ZNF267: variants seen among roughly 807,000 people sequenced by gnomAD.
ZNF267 encodes the protein zinc finger protein 267.
In ZNF267, 61 loss-of-function variants were observed where a neutral mutation model predicts 71.6. The ratio of observed to expected loss-of-function variants is 0.85; its 90% CI spans 0.69 to 1.05. ZNF267 has a LOEUF of 1.05. ZNF267 is among the 50% of genes least tolerant of loss of function. The pLI, the probability that ZNF267 is intolerant of heterozygous loss-of-function variation, is 0.00. For missense variants in ZNF267, 852 were observed against 870.0 expected (o/e 0.98, Z 0.26); for synonymous variants, 288 against 293.2 (o/e 0.98, Z 0.18).
chr16:31,877,379 G>A (rs181204951), intron 1 of ZNF267, among the ~76,000 whole-genome samples: 22 of 152,248 alleles, frequency 1.4e-4, no homozygotes, highest in Admixed American at 5.9e-4. Context: ...GGATCTCAAA[G>A]GTTAGGCAGA....
At chr16:31,909,969 A>G (rs930023854) in intron 3 of ZNF267, among the ~76,000 whole-genome samples, 5 of 152,150 alleles carry the variant, frequency 3.3e-5, no homozygotes, top group Non-Finnish European at 7.4e-5. Context: ...AGTTTTTATT[A>G]TCAAAGGATG....
chr16:31,883,377 T>C (rs187965139), intron 1 of ZNF267, among the ~76,000 whole-genome samples: 22 of 152,326 alleles, frequency 1.4e-4, no homozygotes, highest in Admixed American at 5.9e-4. Flanking sequence ...AGAAATATTA[T>C]CTTACTTTTA....
chr16:31,916,337 C>T lies in ZNF267; in HGVS notation c.2088C>T (p.Ala696=), dbSNP rs1384586985. ...RPYKCDECGK[A]FSYRSYLTTH... ...ACAAATGTGATGAATGTGGTAAAGC[C>T]TTCAGCTATAGGTCATACCTCACTA... The change falls in exon 4 of 4, where the codon GCC becomes GCT. Residue 696 remains alanine, a synonymous_variant. Transcript: ENST00000300870. The T allele has an allele frequency of 6.2e-7, 1 of 1,613,806 alleles. No individual in the cohort carries two copies. Among genetic ancestry groups the T allele is most frequent in the Non-Finnish European group, 8.5e-7 (1 of 1,179,922 alleles).
chr16:31,914,555 A>G lies in ZNF267; in HGVS notation c.306A>G (p.Arg102=), dbSNP rs2084158277. 1 of 1,614,128 alleles carries G rather than the reference A, an allele frequency of 6.2e-7. No individual in the cohort carries two copies. Among genetic ancestry groups the G allele is most frequent in the African/African-American group, 1.3e-5 (1 of 75,036 alleles). ...EASFQKVISR[R]HGSCDLENLH... is the part of the protein sequence containing the mutation. ...CATTCCAAAAAGTGATATCGAGGAG[A>G]CATGGGAGCTGTGATCTTGAGAATT... is the stretch of plus-strand genomic sequence containing the variant. The change falls in exon 4 of 4, where the codon AGA becomes AGG. Residue 102 remains arginine, a synonymous_variant. Transcript: ENST00000300870.
At chr16:31,879,831 A>C (rs1229830427) in intron 1 of ZNF267, among the ~76,000 whole-genome samples, 1 of 152,204 alleles carries the variant, frequency 6.6e-6, no homozygotes, top group African/African-American at 2.4e-5. Flanking sequence ...AGGCACACAC[A>C]TACATTGAGC....
At chr16:31,885,130 A>G (rs2083915141) in intron 2 of ZNF267, 31 bp from the exon 3 acceptor site, 1 of 1,548,498 alleles carries the variant, frequency 6.5e-7, no homozygotes, top group Middle Eastern at 2.2e-4. Flanking sequence ...AACCCTCATT[A>G]AGAGTCATGT....
intron 3 of ZNF267, among the ~76,000 whole-genome samples, chr16:31,903,603 A>C (rs191983909): frequency 3.3e-5 from 5 of 152,250 alleles, no homozygotes; most frequent in African/African-American, 9.6e-5. Context: ...CTCTGATGGT[A>C]GTTTGTATTT....
chr16:31,880,546 C>G (rs2083882623), intron 1 of ZNF267, among the ~76,000 whole-genome samples: 1 of 152,286 alleles, frequency 6.6e-6, no homozygotes, highest in East Asian at 1.9e-4. Context: ...TTGAGTCTTT[C>G]CTGCCTGAAT....
intron 3 of ZNF267, among the ~76,000 whole-genome samples, chr16:31,895,642 T>C (rs2083992969): frequency 6.6e-6 from 1 of 152,196 alleles, no homozygotes; most frequent in Non-Finnish European, 1.5e-5. Context: ...TTTGTTATTA[T>C]GTTTTGTCTT....
chr16:31,904,181 T>C, intron 3 of ZNF267, among the ~76,000 whole-genome samples: 1 of 152,216 alleles, frequency 6.6e-6, no homozygotes, highest in East Asian at 1.9e-4. Flanking sequence ...TTCTTTTACA[T>C]TTGCTGAGGA....
intron 3 of ZNF267, among the ~76,000 whole-genome samples, chr16:31,907,132 TTC>T (rs1259633946): frequency 6.6e-5 from 10 of 152,170 alleles, no homozygotes; most frequent in Non-Finnish European, 1.5e-4. Flanking sequence ...GACTTCAAGA[TTC>T]TCTTTGTCAC....
chr16:31,880,563 T>G (rs1277788524), intron 1 of ZNF267, among the ~76,000 whole-genome samples: 1 of 152,154 alleles, frequency 6.6e-6, no homozygotes, highest in Admixed American at 6.5e-5. Context: ...GAATCACTAT[T>G]GGGTTTTCAT....
intron 3 of ZNF267, among the ~76,000 whole-genome samples, chr16:31,902,221 G>T (rs2084047156): frequency 6.6e-6 from 1 of 152,110 alleles, no homozygotes; most frequent in Non-Finnish European, 1.5e-5. Flanking sequence ...TTGAAGTCAG[G>T]TAGCATGATG....
intron 3 of ZNF267, among the ~76,000 whole-genome samples, chr16:31,900,964 C>A (rs138826826): frequency 0.014 from 2,095 of 152,120 alleles, 59 homozygotes; most frequent in African/African-American, 0.048. Flanking sequence ...CCCCACCCCA[C>A]AACGGGCCCC....
intron 3 of ZNF267, among the ~76,000 whole-genome samples, chr16:31,909,687 G>A (rs536629092): frequency 4.3e-4 from 66 of 152,176 alleles, no homozygotes; most frequent in Non-Finnish European, 8.8e-4. Context: ...CTTAATATAA[G>A]ACTGTACCAT....
intron 3 of ZNF267, 134 bp downstream of exon 3, chr16:31,885,390 C>G: frequency 1.4e-6 from 1 of 705,516 alleles, no homozygotes; most frequent in South Asian, 2.7e-5. Context: ...ATTTCTTTCC[C>G]TTGCTGTCAA....
chr16:31,911,829 T>G (rs2084137911), intron 3 of ZNF267: 1 of 151,636 alleles, frequency 6.6e-6, no homozygotes, highest in African/African-American at 2.4e-5. Flanking sequence ...TTGTATGTTT[T>G]TTTATTTGAG....
At chr16:31,901,951 A>G (rs960183248) in intron 3 of ZNF267, among the ~76,000 whole-genome samples, 1 of 152,180 alleles carries the variant, frequency 6.6e-6, no homozygotes, top group African/African-American at 2.4e-5. Flanking sequence ...TTTTTAATCC[A>G]TCTTGAATTA....
chr16:31,898,013 T>C (rs1452193580), intron 3 of ZNF267, among the ~76,000 whole-genome samples: 2 of 152,190 alleles, frequency 1.3e-5, no homozygotes, highest in African/African-American at 2.4e-5. Flanking sequence ...TGTTTCCTTA[T>C]TGATCTTCTT....
Sources: allele counts gnomAD v4.1 joint callset (sites outside exome capture counted in the v4.1 genomes callset), GRCh38; gene constraint gnomAD v4.1.1; transcripts MANE v1.5; gene names NCBI Gene and HGNC (gene_info 2026-07-23, HGNC 2026-07-21).